PITPNB: variants seen among roughly 807,000 people sequenced by gnomAD.
PITPNB encodes the protein phosphatidylinositol transfer protein beta.
PITPNB carries 16 observed loss-of-function variants against 45.9 expected under a neutral mutation model. The observed-to-expected ratio is 0.35, with a 90% confidence interval of 0.24 to 0.53. The LOEUF (loss-of-function observed/expected upper bound fraction) is 0.53. Among genes scored for constraint, PITPNB ranks in the 20% least tolerant of loss-of-function variants. The probability of loss-of-function intolerance (pLI) is 0.93; values close to 1 mark genes in which losing one functional copy is unlikely to be tolerated. For missense variants in PITPNB, 188 were observed against 330.5 expected (o/e 0.57, Z 3.34); for synonymous variants, 112 against 108.9 (o/e 1.03, Z -0.18).
chr22:27,872,594 C>G (rs1431855310), intron 8 of PITPNB, among the ~76,000 whole-genome samples: 2 of 152,126 alleles, frequency 1.3e-5, no homozygotes, highest in East Asian at 1.9e-4. Context: ...ACAAGACAGT[C>G]CACAAAACAG....
At chr22:27,897,598 T>C (rs1041539464) in intron 4 of PITPNB, among the ~76,000 whole-genome samples, 3 of 152,104 alleles carry the variant, frequency 2.0e-5, no homozygotes, top group African/African-American at 4.8e-5. Flanking sequence ...GTGGCTGCCA[T>C]GTGGGAATGA....
intron 1 of PITPNB, among the ~76,000 whole-genome samples, chr22:27,914,898 C>T (rs1936033392): frequency 6.6e-6 from 1 of 152,110 alleles, no homozygotes; most frequent in African/African-American, 2.4e-5. Flanking sequence ...ACTATGGAAA[C>T]TACTTGAACC....
At chr22:27,893,388 C>T (rs1407346933) in intron 7 of PITPNB, among the ~76,000 whole-genome samples, 1 of 151,072 alleles carries the variant, frequency 6.6e-6, no homozygotes, top group Non-Finnish European at 1.5e-5. Context: ...GGGCTCATGC[C>T]ACTCTCCTGC....
Position 27,860,174 on chromosome 22 carries a change from T to C in PITPNB, c.602A>G (p.Lys201Arg), listed in dbSNP as rs771559118. 1.1e-5 allele frequency: 17 copies of C among 1,613,826 alleles called. No homozygotes were observed. In the South Asian group the frequency reaches 1.5e-4, roughly 15 times the overall value. The stretch of plus-strand genomic sequence containing the variant: ...TACTTTGCTTTGCAGTCCCCACCAC[T>C]TGAATTTGATGGTCACCAGCTTATA... ...CAYKLVTIKF[K>R]WWGLQSKVEN... Residue 201 changes from lysine (K) to arginine (R), a missense_variant, in exon 9 of 12, where the codon AAG becomes AGG. Physicochemically the swap from Lys to Arg is conservative, Grantham distance 26. Transcript: ENST00000335272.
In PITPNB at chr22:27,904,147, GA is replaced by G. The variant is rs1165616932; in HGVS notation, c.198-6256del. Among the ~76,000 whole-genome samples the G allele has an allele frequency of 2.0e-5, 3 of 152,084 alleles. No individual in the cohort carries two copies. The East Asian group carries it at 5.8e-4, about 29-fold the overall frequency. On this transcript the variant is annotated intron_variant, in intron 3 of 11. Coordinates refer to ENST00000335272, the MANE Select transcript of PITPNB (RefSeq NM_012399.5). ...AGCAATATATATCTCCAAGAGAACT[GA>G]AAACATGTTCACACACACACAAAAA...
At chr22:27,896,324 A>G (rs922923465) in intron 6 of PITPNB, among the ~76,000 whole-genome samples, 9 of 152,208 alleles carry the variant, frequency 5.9e-5, no homozygotes, top group Non-Finnish European at 1.5e-5. Flanking sequence ...TGTCTCGGAT[A>G]AAGAGAGTTG....
chr22:27,861,386 G>A (rs1012448991), intron 8 of PITPNB, among the ~76,000 whole-genome samples: 12 of 152,218 alleles, frequency 7.9e-5, no homozygotes, highest in Non-Finnish European at 5.9e-5. Context: ...ATTTCTGTGA[G>A]TCTTACTAAG....
chr22:27,897,170 G>A, intron 4 of PITPNB, 33 bp from the exon 5 acceptor site: 4 of 1,511,906 alleles, frequency 2.6e-6, no homozygotes, highest in East Asian at 2.3e-5. Flanking sequence ...GTAATGAAAG[G>A]AGAAAAATTT....
chr22:27,916,765 T>C (rs1177181474), intron 1 of PITPNB, among the ~76,000 whole-genome samples: 2 of 151,700 alleles, frequency 1.3e-5, no homozygotes, highest in Non-Finnish European at 2.9e-5. Context: ...ATCATGCCAC[T>C]GCACTCCAGC....
chr22:27,871,635 C>T (rs895753461), intron 8 of PITPNB, among the ~76,000 whole-genome samples: 1 of 152,144 alleles, frequency 6.6e-6, no homozygotes, highest in African/African-American at 2.4e-5. Flanking sequence ...CTGGAAAAGG[C>T]TGGGGACACT....
intron 3 of PITPNB, among the ~76,000 whole-genome samples, chr22:27,906,722 G>A (rs1366752146): frequency 6.6e-6 from 1 of 152,168 alleles, no homozygotes; most frequent in Non-Finnish European, 1.5e-5. Context: ...GATCTGTTCA[G>A]AATTACCATG....
At chr22:27,916,006 A>G (rs548114854) in intron 1 of PITPNB, among the ~76,000 whole-genome samples, 1 of 152,280 alleles carries the variant, frequency 6.6e-6, no homozygotes, top group South Asian at 2.1e-4. Flanking sequence ...AGGCTAGGCA[A>G]GAACTGTCAC....
At chr22:27,863,647 C>T (rs979112878) in intron 8 of PITPNB, among the ~76,000 whole-genome samples, 1 of 152,176 alleles carries the variant, frequency 6.6e-6, no homozygotes, top group African/African-American at 2.4e-5. Context: ...AAATGAAAAT[C>T]TTGGGTGTAC....
At chr22:27,891,611 GCTT>G (rs1845590477) in intron 7 of PITPNB, among the ~76,000 whole-genome samples, 3 of 152,160 alleles carry the variant, frequency 2.0e-5, no homozygotes, top group Admixed American at 1.3e-4. Context: ...CATGGGGGCA[GCTT>G]CCCCCATGTT....
At position 27,852,419 on chromosome 22, in the gene PITPNB, T is replaced by C. The variant is rs750208533; in HGVS notation, c.*1283A>G. The C allele has an allele frequency of 2.0e-5, 3 of 152,142 alleles. No homozygotes were observed. The highest frequency in any genetic ancestry group is 2.9e-5 in the Non-Finnish European group (2 of 68,024). 9.4% of individuals were successfully genotyped at this position (152,142 alleles called of 1,614,324 possible). On this transcript the variant is annotated 3_prime_UTR_variant, in exon 12 of 12. Transcript: ENST00000335272. Reference sequence around the variant, plus strand: ...TCCTTCCTTTAAATAAAAAATAAAATTAAATTAAAAAAAGTGGCAGCCGTT... The same window carrying C: ...TCCTTCCTTTAAATAAAAAATAAAACTAAATTAAAAAAAGTGGCAGCCGTT...
At chr22:27,900,268 C>A (rs1235809633) in intron 3 of PITPNB, among the ~76,000 whole-genome samples, 1 of 151,096 alleles carries the variant, frequency 6.6e-6, no homozygotes, top group Non-Finnish European at 1.5e-5. Flanking sequence ...TCTGTATTAA[C>A]TCAGACACAT....
intron 3 of PITPNB, among the ~76,000 whole-genome samples, chr22:27,905,268 C>T (rs1935722819): frequency 6.6e-6 from 1 of 152,206 alleles, no homozygotes; most frequent in South Asian, 2.1e-4. Context: ...CTGCCTCAGC[C>T]TCCCAAGTAG....
chr22:27,883,132 G>T (rs527528755), intron 7 of PITPNB, among the ~76,000 whole-genome samples: 1 of 152,288 alleles, frequency 6.6e-6, no homozygotes, highest in Non-Finnish European at 1.5e-5. Flanking sequence ...GGGTTTCAGG[G>T]GACTAGGGAA....
intron 3 of PITPNB, among the ~76,000 whole-genome samples, chr22:27,906,484 A>G (rs1022975971): frequency 6.6e-6 from 1 of 152,232 alleles, no homozygotes; most frequent in Non-Finnish European, 1.5e-5. Flanking sequence ...TCAGACGTAG[A>G]GCAAAGTGGT....
Sources: allele counts gnomAD v4.1 joint callset (sites outside exome capture counted in the v4.1 genomes callset), GRCh38; gene constraint gnomAD v4.1.1; transcripts MANE v1.5; gene names NCBI Gene and HGNC (gene_info 2026-07-23, HGNC 2026-07-21).